The following RHOH variants were observed in gnomAD, a reference collection of about 807,000 sequenced individuals.
RHOH encodes the protein rho-related GTP-binding protein RhoH.
In RHOH, 6 loss-of-function variants were observed where a neutral mutation model predicts 13.8. The ratio of observed to expected loss-of-function variants is 0.44; its 90% CI spans 0.24 to 0.86. RHOH has a LOEUF of 0.86. RHOH is among the 40% of genes least tolerant of loss of function. RHOH has a pLI of 0.24. For missense variants in RHOH, 147 were observed against 244.5 expected, an observed-to-expected ratio of 0.60 and a Z score of 2.66; for synonymous variants, 117 against 103.0, an observed-to-expected ratio of 1.14 and a Z score of -0.82.
chr4:40,191,507 G>A (rs766306581), upstream of RHOH, among the ~76,000 whole-genome samples: 6 of 152,210 alleles, frequency 3.9e-5, no homozygotes, highest in Non-Finnish European at 5.9e-5. Flanking sequence ...ATCAACTATC[G>A]AGGGACTGCT....
chr4:40,195,863 G>A (rs75541047), upstream of RHOH, among the ~76,000 whole-genome samples: 8,203 of 152,240 alleles, frequency 0.054, 254 homozygotes, highest in Middle Eastern at 0.085. Context: ...GGTTCATGTG[G>A]AAGTCTTGTG....
intron 1 of RHOH, among the ~76,000 whole-genome samples, chr4:40,201,950 T>G (rs1001325295): frequency 2.0e-5 from 3 of 149,120 alleles, no homozygotes; most frequent in South Asian, 2.1e-4. Context: ...CATGAGTTTT[T>G]TTTTTTTTTT....
intron 1 of RHOH, among the ~76,000 whole-genome samples, chr4:40,235,939 G>A (rs1728514600): frequency 1.3e-5 from 2 of 150,856 alleles, no homozygotes. Context: ...CTGTGATTGT[G>A]CCACTGCACT....
At chr4:40,210,560 A>G (rs1422909065) in intron 1 of RHOH, among the ~76,000 whole-genome samples, 1 of 151,078 alleles carries the variant, frequency 6.6e-6, no homozygotes, top group East Asian at 2.0e-4. Flanking sequence ...TAGGTTACAC[A>G]GCCACTCCAG....
chr4:40,196,631 G>A (rs1321514095), upstream of RHOH, among the ~76,000 whole-genome samples: 1 of 151,654 alleles, frequency 6.6e-6, no homozygotes, highest in Non-Finnish European at 1.5e-5. Context: ...GCTGATGGGG[G>A]GAAAGTTCTA....
chr4:40,206,415 CT>C (rs1213149933), intron 1 of RHOH, among the ~76,000 whole-genome samples: 10 of 152,072 alleles, frequency 6.6e-5, no homozygotes, highest in Non-Finnish European at 1.3e-4. Flanking sequence ...ATAAGAATGC[CT>C]GTAATTATTC....
chr4:40,236,668 G>A (rs907329968), intron 1 of RHOH, among the ~76,000 whole-genome samples: 4 of 151,840 alleles, frequency 2.6e-5, no homozygotes, highest in Admixed American at 1.3e-4. Flanking sequence ...GTGTGCTCCC[G>A]TAGTCCCAAG....
chr4:40,224,741 A>G (rs1727019701), intron 1 of RHOH, among the ~76,000 whole-genome samples: 1 of 152,254 alleles, frequency 6.6e-6, no homozygotes, highest in South Asian at 2.1e-4. Flanking sequence ...ATGATAGCAC[A>G]GTGATTGTAG....
intron 1 of RHOH, among the ~76,000 whole-genome samples, chr4:40,241,618 G>A (rs988470253): frequency 2.0e-5 from 3 of 152,128 alleles, no homozygotes; most frequent in African/African-American, 7.2e-5. Context: ...AGCCGGACGC[G>A]GTGGCTCACA....
At chr4:40,195,577 C>T (rs910513902), upstream of RHOH, among the ~76,000 whole-genome samples, 4 of 152,206 alleles carry the variant, frequency 2.6e-5, no homozygotes, top group East Asian at 3.9e-4. Flanking sequence ...CCTCCTGCCT[C>T]GGACTCCTGA....
upstream of RHOH, among the ~76,000 whole-genome samples, chr4:40,194,708 G>T (rs1722946610): frequency 6.6e-6 from 1 of 152,186 alleles, no homozygotes; most frequent in Admixed American, 6.5e-5. Context: ...GGATAAAACT[G>T]GAACATCAAA....
intron 1 of RHOH, among the ~76,000 whole-genome samples, chr4:40,235,928 G>C (rs944750064): frequency 6.6e-6 from 1 of 151,624 alleles, no homozygotes; most frequent in Non-Finnish European, 1.5e-5. Flanking sequence ...GCTGCAGTGA[G>C]CTGTGATTGT....
rs1414992986 is a variant in RHOH at position 40,242,770 on chromosome 4, C to G, written c.-274C>G. ...AAGCCGTGGAGAACGCTCTCGGGGC[C>G]TTTGCCACTTCTTGGAGTAGAAGCC... On this transcript the variant is annotated 5_prime_UTR_variant, in exon 2 of 3. Coordinates refer to ENST00000381799, the MANE Select transcript of RHOH (RefSeq NM_004310.5). 6.6e-6 allele frequency: 1 copy of G among 152,258 alleles called. No individual in the cohort carries two copies. Among genetic ancestry groups the G allele is most frequent in the Non-Finnish European group, 1.5e-5 (1 of 68,076 alleles). 9.4% of individuals were successfully genotyped at this position (152,258 alleles called of 1,614,324 possible). A position where few individuals can be genotyped will look rare whatever the true frequency, so the allele number is the denominator to read the frequency against.
chr4:40,227,238 A>G (rs547093775), intron 1 of RHOH, among the ~76,000 whole-genome samples: 1 of 152,334 alleles, frequency 6.6e-6, no homozygotes, highest in Non-Finnish European at 1.5e-5. Flanking sequence ...TACACAATAA[A>G]ATCTTTCTGT....
chr4:40,227,899 T>C (rs1727444075), intron 1 of RHOH, among the ~76,000 whole-genome samples: 2 of 151,894 alleles, frequency 1.3e-5, no homozygotes, highest in South Asian at 2.1e-4. Context: ...CCAGTGAGAG[T>C]TGATAGAGAG....
At chr4:40,202,443 T>G (rs1724134574) in intron 1 of RHOH, among the ~76,000 whole-genome samples, 1 of 152,202 alleles carries the variant, frequency 6.6e-6, no homozygotes, top group South Asian at 2.1e-4. Flanking sequence ...TAGAATTTGT[T>G]TTTATTTTGT....
At chr4:40,201,249 C>A (rs1487186285) in intron 1 of RHOH, among the ~76,000 whole-genome samples, 3 of 151,910 alleles carry the variant, frequency 2.0e-5, no homozygotes, top group Non-Finnish European at 4.4e-5. Context: ...GATGTTCACT[C>A]TATCCCCCCC....
At chr4:40,240,030 A>G (rs1376401027) in intron 1 of RHOH, 2 of 152,270 alleles carry the variant, frequency 1.3e-5, no homozygotes, top group East Asian at 3.8e-4. Flanking sequence ...AGTTCGTCAC[A>G]TAGGTAGTCG....
chr4:40,220,174 G>C (rs116558656), intron 1 of RHOH, among the ~76,000 whole-genome samples: 1 of 151,852 alleles, frequency 6.6e-6, no homozygotes, highest in Non-Finnish European at 1.5e-5. Context: ...AAATACCCAC[G>C]TGCACACCTG....
Sources: gnomAD v4.1 joint callset for allele counts (sites outside exome capture counted in the v4.1 genomes callset) on GRCh38, gnomAD v4.1.1 for gene constraint, MANE v1.5 for transcripts, NCBI Gene and HGNC (gene_info 2026-07-23, HGNC 2026-07-21) for gene names.